Variants in YIF1B observed in about 807,000 individuals in gnomAD.
The protein encoded by YIF1B is Yip1 interacting factor homolog B, membrane trafficking protein.
In YIF1B, 24 loss-of-function variants were observed where a neutral mutation model predicts 34.6. The ratio of observed to expected loss-of-function variants is 0.69; its 90% confidence interval spans 0.50 to 0.98. The LOEUF is 0.98. Among genes scored for constraint, YIF1B ranks in the 50% least tolerant of loss-of-function variants. The probability of loss-of-function intolerance (pLI) is 0.00; values close to 1 mark genes in which losing one functional copy is unlikely to be tolerated. For synonymous variants in YIF1B, 186 were observed against 184.8 expected (o/e 1.01, Z -0.05); for missense variants, 368 against 429.4 (o/e 0.86, Z 1.26).
chr19:38,320,204 A>G (rs752854023), upstream of YIF1B: 12 of 1,602,582 alleles, frequency 7.5e-6, no homozygotes, highest in South Asian at 8.8e-5. Context: ...GGGTCCGCCA[A>G]CGCCTCGGAC....
At chr19:38,314,147 G>A (rs889136471) in intron 1 of YIF1B, among the ~76,000 whole-genome samples, 1 of 150,452 alleles carries the variant, frequency 6.6e-6, no homozygotes, top group Non-Finnish European at 1.5e-5. Context: ...TGCCTCAGCC[G>A]CCCGAGTAGC....
In YIF1B at chr19:38,305,342, G is replaced by T; in HGVS notation, c.*10C>A. 6.3e-7 allele frequency: 1 copy of T among 1,598,474 alleles called. No homozygotes were observed. Among genetic ancestry groups the T allele is most frequent in the Non-Finnish European group, 8.5e-7 (1 of 1,169,712 alleles). On this transcript the variant is annotated 3_prime_UTR_variant, in exon 8 of 8. Transcript: ENST00000339413. The stretch of plus-strand genomic sequence containing the variant: ...AGCAGCAGCAGCAGCGGGAGGTTCA[G>T]CGGGCGCGCTCACCGCACCAGGTGG...
At position 38,304,578 on chromosome 19, in the gene YIF1B, G is replaced by A. The variant is rs745418173; in HGVS notation, c.*774C>T. ...GTCCTGCCTTAGGCCTCCAACTTCA[G>A]GGGGCTGGGTAAGGGGCGCCGCCTC... is the stretch of plus-strand genomic sequence containing the variant. On this transcript the variant is annotated 3_prime_UTR_variant, in exon 8 of 8. Transcript: ENST00000339413. 12 of 1,611,086 alleles carry A rather than the reference G, an allele frequency of 7.4e-6. No homozygotes were observed. The highest frequency in any genetic ancestry group is 5.9e-6 in the Non-Finnish European group (7 of 1,179,040).
intron 1 of YIF1B, among the ~76,000 whole-genome samples, chr19:38,314,053 G>A (rs1480645363): frequency 6.6e-6 from 1 of 151,880 alleles, no homozygotes; most frequent in Non-Finnish European, 1.5e-5. Flanking sequence ...TTGAGGCGTT[G>A]TTTCGCTCGT....
chr19:38,315,691 G>T, intron 1 of YIF1B, 169 bp downstream of exon 1: 1 of 1,603,722 alleles, frequency 6.2e-7, no homozygotes. Flanking sequence ...ATTTCCTAAA[G>T]AATCGCCCCC....
chr19:38,308,274 G>A (rs987210395), intron 5 of YIF1B, among the ~76,000 whole-genome samples: 70 of 152,102 alleles, frequency 4.6e-4, no homozygotes, highest in African/African-American at 1.6e-3. Flanking sequence ...AGGGGAACAC[G>A]CTCCTGGGCA....
chr19:38,312,687 C>T (rs1024082472), intron 1 of YIF1B, among the ~76,000 whole-genome samples: 9 of 152,330 alleles, frequency 5.9e-5, no homozygotes, highest in East Asian at 3.9e-4. Context: ...GAATTATCCA[C>T]GTCATGACTT....
chr19:38,309,708 T>G (rs1423437016), intron 1 of YIF1B, 65 bp from the exon 2 acceptor site: 1 of 1,532,718 alleles, frequency 6.5e-7, no homozygotes, highest in Non-Finnish European at 8.7e-7. Context: ...CTGGCGAACC[T>G]CATTCATCCC....
At chr19:38,313,101 G>A (rs1024555255) in intron 1 of YIF1B, among the ~76,000 whole-genome samples, 5 of 151,346 alleles carry the variant, frequency 3.3e-5, no homozygotes, top group East Asian at 3.9e-4. Context: ...ATAGGCGCAC[G>A]CCACCAAGCC....
intron 1 of YIF1B, among the ~76,000 whole-genome samples, chr19:38,310,266 T>C (rs1244857554): frequency 5.3e-5 from 7 of 133,294 alleles, no homozygotes; most frequent in African/African-American, 2.0e-4. Flanking sequence ...CATCTAATGA[T>C]GCATCCACCC....
chr19:38,312,414 A>T (rs1341620709), intron 1 of YIF1B, among the ~76,000 whole-genome samples: 2 of 148,860 alleles, frequency 1.3e-5, no homozygotes, highest in South Asian at 2.1e-4. Context: ...GGCCCTCTTT[A>T]AAAAAAAAAG....
At chr19:38,307,017 G>C (rs774783603) in intron 7 of YIF1B, 59 of 478,302 alleles carry the variant, frequency 1.2e-4, no homozygotes, top group South Asian at 9.0e-4. Context: ...GAAGTGATTT[G>C]CCCAGGATCC....
Position 38,304,797 on chromosome 19 carries a change from C to G in YIF1B, c.*555G>C, listed in dbSNP as rs747733072. ...GGGAGTGGTCCCCCTGTCTCGCTTC[C>G]AGCCCAGAACCATCTCTTCTCTCCC... On this transcript the variant is annotated 3_prime_UTR_variant, in exon 8 of 8. Coordinates refer to ENST00000339413, the MANE Select transcript of YIF1B (RefSeq NM_001039672.3). 1.2e-6 allele frequency: 2 copies of G among 1,613,220 alleles called. No individual in the cohort carries two copies. Among genetic ancestry groups the G allele is most frequent in the Non-Finnish European group, 1.7e-6 (2 of 1,179,644 alleles).
At chr19:38,310,141 T>C (rs1486357639) in intron 1 of YIF1B, among the ~76,000 whole-genome samples, 10 of 115,810 alleles carry the variant, frequency 8.6e-5, no homozygotes, top group Admixed American at 2.6e-4. Flanking sequence ...TCTATCCATC[T>C]ATCCATCTAC....
chr19:38,305,998 T>C (rs1443438133), intron 7 of YIF1B, among the ~76,000 whole-genome samples: 1 of 151,998 alleles, frequency 6.6e-6, no homozygotes, highest in Non-Finnish European at 1.5e-5. Flanking sequence ...GGTCAGGAGA[T>C]TGAGACCATC....
At chr19:38,312,481 G>A (rs1416332031) in intron 1 of YIF1B, among the ~76,000 whole-genome samples, 1 of 152,120 alleles carries the variant, frequency 6.6e-6, no homozygotes, top group African/African-American at 2.4e-5. Flanking sequence ...TGAGGCAAAT[G>A]GGAGTGCTCT....
chr19:38,321,306 C>T (rs1305863973), upstream of YIF1B, among the ~76,000 whole-genome samples: 1 of 152,224 alleles, frequency 6.6e-6, no homozygotes, highest in East Asian at 1.9e-4. Flanking sequence ...CCATACTCCC[C>T]AGCAGGCAAC....
At position 38,305,396 on chromosome 19, in the gene YIF1B, G is replaced by GCGCCGC; in HGVS notation, c.895_900dup (p.Ala299_Ala300dup). ...GTGAGCCAGTACATGAGCATAGGCT[G>GCGCCGC]CGCCGCCGCCACCGCCATGGTCAGG... On this transcript the variant is annotated inframe_insertion, in exon 8 of 8. Coordinates refer to ENST00000339413, the MANE Select transcript of YIF1B (RefSeq NM_001039672.3). 3 of 1,609,318 alleles carry GCGCCGC rather than the reference G, an allele frequency of 1.9e-6. No homozygotes were observed. The highest frequency in any genetic ancestry group is 1.7e-6 in the Non-Finnish European group (2 of 1,177,546).
rs1416428568 is a variant in YIF1B, at chr19:38,303,932, A to AG, written c.*1419dup. 6.6e-6 allele frequency among the ~76,000 whole-genome samples: 1 copy of AG among 152,248 alleles called. No homozygotes were observed. On this transcript the variant is annotated 3_prime_UTR_variant, in exon 8 of 8. Transcript: ENST00000339413. ...GTATTGTCGCGGTACGCAGGAAGGC[A>AG]GGGGCAGCACCTCCCTCTTCAAGAA...
Sources: allele counts gnomAD v4.1 joint callset (sites outside exome capture counted in the v4.1 genomes callset), GRCh38; gene constraint gnomAD v4.1.1; transcripts MANE v1.5; gene names NCBI Gene and HGNC (gene_info 2026-07-23, HGNC 2026-07-21).